The following DOCK10 variants were observed in gnomAD, a reference collection of about 807,000 sequenced individuals.
DOCK10 encodes the protein dedicator of cytokinesis 10, also known as dedicator of cytokinesis protein 10.
In DOCK10, 145 loss-of-function variants were observed where a neutral mutation model predicts 280.1. The ratio of observed to expected loss-of-function variants is 0.52; its 90% confidence interval spans 0.45 to 0.59. DOCK10 has a LOEUF of 0.59. Among genes scored for constraint, DOCK10 ranks in the 20% least tolerant of loss-of-function variants. DOCK10 has a pLI of 0.00. For synonymous variants in DOCK10, 915 were observed against 942.2 expected (o/e 0.97, Z 0.53); for missense variants, 2,368 against 2,651.7 (o/e 0.89, Z 2.35).
At chr2:225,024,421 TTGTA>T (rs888072005) in intron 1 of DOCK10, among the ~76,000 whole-genome samples, 2 of 152,206 alleles carry the variant, frequency 1.3e-5, no homozygotes, top group Admixed American at 6.5e-5. Flanking sequence ...ATAGTATTCT[TTGTA>T]TGTGTAGAGA....
intron 19 of DOCK10, 70 bp downstream of exon 19, chr2:224,849,437 T>C (rs1203289254): frequency 1.7e-6 from 2 of 1,144,934 alleles, no homozygotes; most frequent in Admixed American, 4.0e-5. Context: ...TGTTTTTCAC[T>C]GCACGGTTAT....
intron 25 of DOCK10, 149 bp from the exon 26 acceptor site, chr2:224,834,412 T>C (rs1209354543): frequency 1.6e-6 from 1 of 609,552 alleles, no homozygotes; most frequent in Non-Finnish European, 2.9e-6. Context: ...ATAAGAGCAG[T>C]ACACACCTGT....
At chr2:224,906,121 C>A (rs987858257) in intron 3 of DOCK10, among the ~76,000 whole-genome samples, 1 of 152,080 alleles carries the variant, frequency 6.6e-6, no homozygotes, top group East Asian at 1.9e-4. Flanking sequence ...GGTAATAGCC[C>A]AAGCCATAAT....
At chr2:225,024,026 T>C (rs1165805157) in intron 1 of DOCK10, among the ~76,000 whole-genome samples, 2 of 152,226 alleles carry the variant, frequency 1.3e-5, no homozygotes, top group African/African-American at 4.8e-5. Context: ...ACACCCTATT[T>C]CTTCTGTGAC....
chr2:224,765,564 C>A lies in DOCK10; in HGVS notation c.*157G>T. The A allele has an allele frequency of 1.8e-6, 1 of 561,862 alleles. No homozygotes were observed. Among genetic ancestry groups the A allele is most frequent in the Non-Finnish European group, 3.1e-6 (1 of 318,756 alleles). 34.8% of individuals were successfully genotyped at this position (561,862 alleles called of 1,614,324 possible). The stretch of plus-strand genomic sequence containing the variant: ...AGAAAAAAAAATTATACAAAATGTG[C>A]AAATTCAGAGGTTGGCAAAATTCTG... On this transcript the variant is annotated 3_prime_UTR_variant, in exon 56 of 56. Coordinates refer to ENST00000258390, the MANE Select transcript of DOCK10 (RefSeq NM_014689.3).
intron 1 of DOCK10, among the ~76,000 whole-genome samples, chr2:225,035,555 T>TA (rs1559986189): frequency 5.6e-5 from 2 of 35,510 alleles, no homozygotes; most frequent in African/African-American, 1.1e-4. Flanking sequence ...TATATATATA[T>TA]ATATATATAT....
intron 4 of DOCK10, among the ~76,000 whole-genome samples, chr2:224,888,916 T>C (rs920726142): frequency 3.9e-5 from 6 of 152,090 alleles, no homozygotes; most frequent in Non-Finnish European, 7.4e-5. Context: ...TGGAATATTA[T>C]TCAGCCTTAA....
chr2:224,903,792 G>C (rs1219659721), intron 3 of DOCK10, among the ~76,000 whole-genome samples: 1 of 152,152 alleles, frequency 6.6e-6, no homozygotes, highest in Admixed American at 6.5e-5. Flanking sequence ...AAACATTTTA[G>C]GGGGATTTTT....
chr2:224,800,000 CT>C, intron 41 of DOCK10, 150 bp downstream of exon 41: 1 of 489,954 alleles, frequency 2.0e-6, no homozygotes, highest in East Asian at 3.1e-5. Context: ...AAAATCTCAT[CT>C]TTAACATGTT....
chr2:224,785,362 A>G (rs1027405798), intron 50 of DOCK10, among the ~76,000 whole-genome samples: 1 of 151,786 alleles, frequency 6.6e-6, no homozygotes, highest in Non-Finnish European at 1.5e-5. Flanking sequence ...TGTCTCCACT[A>G]TCCTGATATT....
intron 23 of DOCK10, among the ~76,000 whole-genome samples, chr2:224,840,422 CAAAT>C (rs560071175): frequency 1.2e-3 from 186 of 152,204 alleles, no homozygotes; most frequent in Non-Finnish European, 2.2e-3. Context: ...AGTAAGAAAA[CAAAT>C]AACCCAATGA....
chr2:224,985,760 A>G (rs186337838), intron 1 of DOCK10, among the ~76,000 whole-genome samples: 107 of 152,334 alleles, frequency 7.0e-4, no homozygotes, highest in African/African-American at 2.4e-3. Flanking sequence ...TCCTTCTTCA[A>G]CAAATCTTGA....
chr2:224,875,714 A>G (rs576429461), intron 8 of DOCK10, among the ~76,000 whole-genome samples: 2 of 152,330 alleles, frequency 1.3e-5, no homozygotes, highest in African/African-American at 4.8e-5. Context: ...AATTTAATGA[A>G]AGGCTAAAAT....
At chr2:224,933,717 T>G (rs1017171138) in intron 1 of DOCK10, among the ~76,000 whole-genome samples, 1 of 152,244 alleles carries the variant, frequency 6.6e-6, no homozygotes, top group African/African-American at 2.4e-5. Context: ...TAGTCCATGA[T>G]GTGGCTAATA....
chr2:224,776,734 A>C (rs10194808), intron 51 of DOCK10, among the ~76,000 whole-genome samples: 2,724 of 152,136 alleles, frequency 0.018, 73 homozygotes, highest in African/African-American at 0.057. Context: ...TTCTATCCAA[A>C]CTGTGTTTCA....
chr2:225,039,540 A>G (rs979365905), intron 1 of DOCK10, among the ~76,000 whole-genome samples: 2 of 152,172 alleles, frequency 1.3e-5, no homozygotes, highest in African/African-American at 4.8e-5. Context: ...GCTTTGGGTA[A>G]AAACTGACAT....
chr2:224,846,083 A>G (rs983115224), intron 19 of DOCK10, among the ~76,000 whole-genome samples: 4 of 152,256 alleles, frequency 2.6e-5, no homozygotes, highest in African/African-American at 9.6e-5. Flanking sequence ...CACTCATTTA[A>G]TGCTCAATAA....
intron 1 of DOCK10, chr2:224,982,635 C>T: frequency 1.9e-6 from 1 of 516,190 alleles, no homozygotes; most frequent in Non-Finnish European, 2.5e-6. Context: ...AGCATGTTTC[C>T]TGTTCATTAC....
chr2:225,018,224 G>T (rs1320106682), intron 1 of DOCK10, among the ~76,000 whole-genome samples: 21 of 151,956 alleles, frequency 1.4e-4, no homozygotes, highest in Admixed American at 1.4e-3. Context: ...ATTCTACTCT[G>T]TGTATTGTAC....
Sources: gnomAD v4.1 joint callset for allele counts (sites outside exome capture counted in the v4.1 genomes callset) on GRCh38, gnomAD v4.1.1 for gene constraint, MANE v1.5 for transcripts, NCBI Gene and HGNC (gene_info 2026-07-23, HGNC 2026-07-21) for gene names.